Variants in LMAN2 observed in about 807,000 individuals in gnomAD.
LMAN2 encodes vesicular integral-membrane protein VIP36.
A neutral mutation model predicts 39.3 loss-of-function variants in LMAN2; 22 were observed. The observed-to-expected ratio is 0.56, with a 90% CI of 0.40 to 0.80. The LOEUF (loss-of-function observed/expected upper bound fraction) is 0.80, where lower values mean the gene tolerates loss of function less well. Among genes scored for constraint, LMAN2 ranks in the 30% least tolerant of loss-of-function variants. The pLI is 0.00. For synonymous variants in LMAN2, 207 were observed against 207.8 expected (o/e 1.00, Z 0.03); for missense variants, 494 against 505.4 (o/e 0.98, Z 0.22).
intron 2 of LMAN2, among the ~76,000 whole-genome samples, chr5:177,345,311 A>AGCCTAGGT (rs1357743806): frequency 3.7e-5 from 5 of 134,920 alleles, no homozygotes; most frequent in Admixed American, 1.6e-4. Flanking sequence ...ATTGCATTCC[A>AGCCTAGGT]GCCTAGGTGA....
At position 177,332,623 on chromosome 5, in the gene LMAN2, T is replaced by C. The variant is rs984308981; in HGVS notation, c.911-377A>G. Among the ~76,000 whole-genome samples, 3 of 152,112 alleles carry C rather than the reference T, an allele frequency of 2.0e-5. No individual in the cohort carries two copies. In the South Asian group the frequency reaches 6.2e-4, roughly 32 times the overall value. Reference sequence around the variant, plus strand: ...CCCCCACGCTGTGGTCTGAGGGCCCTTTCTGGAGCAGCGCGGCCCTGGTCA... The same window carrying C: ...CCCCCACGCTGTGGTCTGAGGGCCCCTTCTGGAGCAGCGCGGCCCTGGTCA... On this transcript the variant is annotated intron_variant, in intron 7 of 7. Coordinates refer to ENST00000303127, the MANE Select transcript of LMAN2 (RefSeq NM_006816.3). This position sits in a 1 kb window ranked among gnomAD's most constrained non-coding sequence, Gnocchi z 6.3.
rs1402592512 is a variant in LMAN2, at chr5:177,337,534, A to C, written c.514-10T>G. 1.2e-6 allele frequency: 2 copies of C among 1,613,120 alleles called. No individual in the cohort carries two copies. Among genetic ancestry groups the C allele is most frequent in the Non-Finnish European group, 1.7e-6 (2 of 1,179,354 alleles). On this transcript the variant is annotated splice_polypyrimidine_tract_variant and intron_variant, in intron 4 of 7. Coordinates refer to ENST00000303127, the MANE Select transcript of LMAN2 (RefSeq NM_006816.3). This position sits in a 1 kb window ranked among gnomAD's most constrained non-coding sequence, Gnocchi z 8.2. ...TGTACGGGAACACGCGCTGGGACCAAGACATCGGTTACTCCACAAGCAGCC... is the reference window on the plus strand; with the variant it reads ...TGTACGGGAACACGCGCTGGGACCACGACATCGGTTACTCCACAAGCAGCC...
Position 177,351,666 on chromosome 5 carries a change from A to C in LMAN2, c.-19T>G. 6.4e-7 allele frequency: 1 copy of C among 1,551,742 alleles called. No homozygotes were observed. The highest frequency in any genetic ancestry group is 8.7e-7 in the Non-Finnish European group (1 of 1,153,362). On this transcript the variant is annotated 5_prime_UTR_variant, in exon 1 of 8. Transcript: ENST00000303127. Reference sequence around the variant, plus strand: ...CCGCCATTCTCCTCTCCTCTCGGCCACTTCCGCCCTAGAACTTCCGCCTTC... The same window carrying C: ...CCGCCATTCTCCTCTCCTCTCGGCCCCTTCCGCCCTAGAACTTCCGCCTTC...
At chr5:177,340,833 C>A (rs1026450982) in intron 2 of LMAN2, among the ~76,000 whole-genome samples, 1 of 151,292 alleles carries the variant, frequency 6.6e-6, no homozygotes, top group African/African-American at 2.4e-5. Context: ...CTGCTCACTG[C>A]GAGCTCTGCC....
Position 177,332,871 on chromosome 5 carries a change from G to A in LMAN2, c.911-625C>T, listed in dbSNP as rs1761411297. ...TCTCCAGGCTGTGGGTGGAGGAGCT[G>A]GGGTCTGGCTGGGCCCTGTTTCTGC... On this transcript the variant is annotated intron_variant, in intron 7 of 7. Coordinates refer to ENST00000303127, the MANE Select transcript of LMAN2 (RefSeq NM_006816.3). The surrounding 1 kb of genome is among the most constrained non-coding windows in gnomAD (Gnocchi z 6.3). Among the ~76,000 whole-genome samples, 1 of 152,178 alleles carries A rather than the reference G, an allele frequency of 6.6e-6. No homozygotes were observed.
In LMAN2 at chr5:177,332,167, A is replaced by G; in HGVS notation, c.990T>C (p.Ala330=). ...CGGCGCAGACAACGATGCCCAGGAGAGCGCACAGCAGCAGCAGGAACACCC... is the reference window on the plus strand; with the variant it reads ...CGGCGCAGACAACGATGCCCAGGAGGGCGCACAGCAGCAGCAGGAACACCC... ...GWRVFLLLLC[A]LLGIVVCAVV... The change falls in exon 8 of 8, where the codon GCT becomes GCC. Residue 330 remains alanine, a synonymous_variant. Transcript: ENST00000303127. This position sits in a 1 kb window ranked among gnomAD's most constrained non-coding sequence, Gnocchi z 6.3. The G allele has an allele frequency of 1.2e-6, 2 of 1,613,594 alleles. No homozygotes were observed. The highest frequency in any genetic ancestry group is 1.7e-6 in the Non-Finnish European group (2 of 1,179,936).
In LMAN2 at chr5:177,337,203, G is replaced by A. The variant is rs1029715824; in HGVS notation, c.723C>T (p.Asp241=). ...EDKNEWKNCI[D]ITGVRLPTGY... ...CGGTGGGCAGGCGCACTCCCGTGAT[G>A]TCAATGCAGTTCTTCCACTCGTTCT... The change falls in exon 6 of 8, where the codon GAC becomes GAT. Residue 241 remains aspartate, a synonymous_variant. Transcript: ENST00000303127. This position sits in a 1 kb window ranked among gnomAD's most constrained non-coding sequence, Gnocchi z 8.2. 2 of 1,613,954 alleles carry A rather than the reference G, an allele frequency of 1.2e-6. No homozygotes were observed. Among genetic ancestry groups the A allele is most frequent in the African/African-American group, 2.7e-5 (2 of 74,942 alleles).
chr5:177,345,411 T>C (rs565836115), intron 2 of LMAN2, among the ~76,000 whole-genome samples: 1 of 147,688 alleles, frequency 6.8e-6, no homozygotes, highest in Non-Finnish European at 1.5e-5. Context: ...AATAGTTTCA[T>C]AAATTAATGG....
chr5:177,351,370 C>T, intron 1 of LMAN2, 79 bp from the exon 2 acceptor site: 1 of 1,606,008 alleles, frequency 6.2e-7, no homozygotes, highest in South Asian at 1.1e-5. Context: ...AGATGCTCTG[C>T]TCAGGAGAAA....
chr5:177,337,165 C>A lies in LMAN2; in HGVS notation c.761G>T (p.Gly254Val). Reference protein sequence around the residue: ...GVRLPTGYYFGASAGTGDLSD... With the variant: ...GVRLPTGYYFVASAGTGDLSD... The stretch of plus-strand genomic sequence containing the variant: ...CAGGTCGCCGGTGCCGGCGGAGGCC[C>A]CGAAGTAGTAGCCGGTGGGCAGGCG... Residue 254 changes from glycine to valine, a missense_variant, in exon 6 of 8, where the codon GGG becomes GTG. Physicochemically the swap from Gly to Val is moderately radical, Grantham distance 109 (BLOSUM62 -3). Coordinates refer to ENST00000303127, the MANE Select transcript of LMAN2 (RefSeq NM_006816.3). This position sits in a 1 kb window ranked among gnomAD's most constrained non-coding sequence, Gnocchi z 8.2. The A allele has an allele frequency of 6.2e-7, 1 of 1,613,798 alleles. No homozygotes were observed. Among genetic ancestry groups the A allele is most frequent in the Non-Finnish European group, 8.5e-7 (1 of 1,179,956 alleles).
chr5:177,331,950 T>C lies in LMAN2; in HGVS notation c.*136A>G, dbSNP rs1365765983. The C allele has an allele frequency of 1.8e-6, 2 of 1,082,306 alleles. No individual in the cohort carries two copies. The highest frequency in any genetic ancestry group is 2.6e-6 in the Non-Finnish European group (2 of 781,794). The allele number at this position is 1,082,306 out of a possible 1,614,324, so 67.0% of individuals were successfully genotyped here. ...TGTCCCTGCTGGGCAAGAAGCAAAA[T>C]GTATGAAAATACTTTAATCATTTAT... is the stretch of plus-strand genomic sequence containing the variant. On this transcript the variant is annotated 3_prime_UTR_variant, in exon 8 of 8. Coordinates refer to ENST00000303127, the MANE Select transcript of LMAN2 (RefSeq NM_006816.3).
Position 177,337,011 on chromosome 5 carries a change from A to G in LMAN2, c.790+125T>C. 1 of 689,096 alleles carries G rather than the reference A, an allele frequency of 1.5e-6. No homozygotes were observed. Among genetic ancestry groups the G allele is most frequent in the East Asian group, 2.7e-5 (1 of 37,116 alleles). The allele number at this position is 689,096 out of a possible 1,614,324, so 42.7% of individuals were successfully genotyped here. ...GGACAGGCCATTTACAGAAGAAAGG[A>G]GGAGGAGGAACACAGCCAGGTGAGC... On this transcript the variant is annotated intron_variant, in intron 6 of 7. Transcript: ENST00000303127. The surrounding 1 kb of genome is among the most constrained non-coding windows in gnomAD (Gnocchi z 8.2).
At chr5:177,342,298 G>A (rs980361120) in intron 2 of LMAN2, among the ~76,000 whole-genome samples, 1 of 152,022 alleles carries the variant, frequency 6.6e-6, no homozygotes, top group African/African-American at 2.4e-5. Context: ...TTGAGCCAAG[G>A]AGTTCAAGAC....
At chr5:177,338,024 G>A (rs1462850967) in intron 3 of LMAN2, among the ~76,000 whole-genome samples, 1 of 152,078 alleles carries the variant, frequency 6.6e-6, no homozygotes, top group Non-Finnish European at 1.5e-5. Flanking sequence ...GACTGAGGCA[G>A]ATGTCAGGTG....
rs770677340 is a variant in LMAN2 at position 177,338,618 on chromosome 5, C to T, written c.316-13G>A. On this transcript the variant is annotated splice_polypyrimidine_tract_variant and intron_variant, in intron 2 of 7. Coordinates refer to ENST00000303127, the MANE Select transcript of LMAN2 (RefSeq NM_006816.3). ...TGAGGAAGCACGGCTGGAGGGAGAGCAGAATGGGCTGCTCAGAGCTCCCCA... is the reference window on the plus strand; with the variant it reads ...TGAGGAAGCACGGCTGGAGGGAGAGTAGAATGGGCTGCTCAGAGCTCCCCA... The T allele has an allele frequency of 4.3e-6, 7 of 1,611,240 alleles. No individual in the cohort carries two copies. In the South Asian group the frequency reaches 7.7e-5, roughly 18 times the overall value.
Position 177,341,674 on chromosome 5 carries a change from G to C in LMAN2, c.316-3069C>G, listed in dbSNP as rs566159588. 2.0e-5 allele frequency among the ~76,000 whole-genome samples: 3 copies of C among 152,346 alleles called. No individual in the cohort carries two copies. The East Asian group carries it at 5.8e-4, about 29-fold the overall frequency. On this transcript the variant is annotated intron_variant, in intron 2 of 7. Transcript: ENST00000303127. ...GGAGAAAGAAAATGATCCCCATCCA[G>C]ATGTAAAGTCAGATTCCAGAAGGAA...
At chr5:177,338,688 C>T in intron 2 of LMAN2, 83 bp from the exon 3 acceptor site, 1 of 1,063,734 alleles carries the variant, frequency 9.4e-7, no homozygotes, top group South Asian at 1.3e-5. Flanking sequence ...GGCCCCTGCC[C>T]CACAGACCTC....
At chr5:177,351,027 CTTA>C (rs1761714151) in intron 2 of LMAN2, 143 bp downstream of exon 2, 1 of 734,378 alleles carries the variant, frequency 1.4e-6, no homozygotes. Context: ...CCCATCGCCT[CTTA>C]TTATTGGTGG....
At chr5:177,351,024 C>T (rs1326889204) in intron 2 of LMAN2, 149 bp downstream of exon 2, 2 of 724,470 alleles carry the variant, frequency 2.8e-6, no homozygotes, top group Non-Finnish European at 5.0e-6. Flanking sequence ...ATACCCATCG[C>T]CTCTTATTAT....
Sources: gnomAD v4.1 joint callset for allele counts (sites outside exome capture counted in the v4.1 genomes callset) on GRCh38, gnomAD v4.1.1 for gene constraint, Gnocchi (gnomAD v3.1) non-coding constraint, MANE v1.5 for transcripts, NCBI Gene and HGNC (gene_info 2026-07-23, HGNC 2026-07-21) for gene names.